Variants in KLF7 observed in about 807,000 individuals in gnomAD.
KLF7 encodes Krueppel-like factor 7.
A neutral mutation model predicts 27.3 loss-of-function variants in KLF7; 2 were observed. That is an observed-to-expected ratio of 0.07 (90% confidence interval 0.03 to 0.23). The LOEUF (loss-of-function observed/expected upper bound fraction) is 0.23. KLF7 is among the 10% of genes least tolerant of loss of function. KLF7 has a pLI of 1.00. For missense variants in KLF7, 221 were observed against 394.1 expected, an observed-to-expected ratio of 0.56 and a Z score of 3.72; for synonymous variants, 165 against 162.4, an observed-to-expected ratio of 1.02 and a Z score of -0.12.
rs771791669 is a variant in KLF7 at position 207,076,414 on chromosome 2, G to C, written c.*4799C>G. 3.9e-5 allele frequency: 6 copies of C among 152,010 alleles called. No homozygotes were observed. The highest frequency in any genetic ancestry group is 7.4e-5 in the Non-Finnish European group (5 of 68,022). 9.4% of individuals were successfully genotyped at this position (152,010 alleles called of 1,614,324 possible). A position where few individuals can be genotyped will look rare whatever the true frequency, so the allele number is the denominator to read the frequency against. ...TCTGTTTTTGACACCTGTTTCCCGAGGACTTTTATGTTAAATGCAAAACAC... is the reference window on the plus strand; with the variant it reads ...TCTGTTTTTGACACCTGTTTCCCGACGACTTTTATGTTAAATGCAAAACAC... On this transcript the variant is annotated 3_prime_UTR_variant, in exon 4 of 4. Coordinates refer to ENST00000309446, the MANE Select transcript of KLF7 (RefSeq NM_003709.4).
intron 2 of KLF7, among the ~76,000 whole-genome samples, chr2:207,116,290 T>G (rs947199688): frequency 6.6e-6 from 1 of 152,224 alleles, no homozygotes; most frequent in Non-Finnish European, 1.5e-5. Flanking sequence ...TAATTTCTAC[T>G]ACATTCAAGC....
At position 207,077,299 on chromosome 2, in the gene KLF7, T is replaced by C. The variant is rs1327739968; in HGVS notation, c.*3914A>G. The C allele has an allele frequency of 2.0e-5, 3 of 152,122 alleles. No individual in the cohort carries two copies. The highest frequency in any genetic ancestry group is 2.9e-5 in the Non-Finnish European group (2 of 68,024). The allele number at this position is 152,122 out of a possible 1,614,324, so 9.4% of individuals were successfully genotyped here. On this transcript the variant is annotated 3_prime_UTR_variant, in exon 4 of 4. Transcript: ENST00000309446. ...CCATTTCTTTCCCCTTTGATGCAAA[T>C]AGACATGGATAATCTGGAAAGCTTA...
chr2:207,108,899 C>A (rs2076954139), intron 2 of KLF7, among the ~76,000 whole-genome samples: 1 of 152,206 alleles, frequency 6.6e-6, no homozygotes, highest in Admixed American at 6.5e-5. Flanking sequence ...TTCAACCTCA[C>A]CTAGCAAAGC....
At chr2:207,115,577 G>A (rs58785926) in intron 2 of KLF7, among the ~76,000 whole-genome samples, 4,477 of 152,126 alleles carry the variant, frequency 0.029, 165 homozygotes, top group African/African-American at 0.08. Flanking sequence ...ATCTTGCCTC[G>A]ACCAACATTT....
At chr2:207,152,919 T>C (rs1431635838) in intron 1 of KLF7, among the ~76,000 whole-genome samples, 2 of 151,952 alleles carry the variant, frequency 1.3e-5, no homozygotes, top group Non-Finnish European at 2.9e-5. Flanking sequence ...AATTGAAGAG[T>C]GCACGATCTG....
intron 1 of KLF7, among the ~76,000 whole-genome samples, chr2:207,152,859 T>G (rs922458609): frequency 1.3e-5 from 2 of 152,138 alleles, no homozygotes; most frequent in African/African-American, 4.8e-5. Context: ...GCATGCTCAC[T>G]GGGCCAGAGA....
chr2:207,113,885 A>G (rs2077106829), intron 2 of KLF7, among the ~76,000 whole-genome samples: 1 of 152,156 alleles, frequency 6.6e-6, no homozygotes, highest in Non-Finnish European at 1.5e-5. Context: ...CCCCAGAGAA[A>G]TTGGAGGAAC....
intron 2 of KLF7, among the ~76,000 whole-genome samples, chr2:207,119,830 A>C (rs1033323805): frequency 6.6e-6 from 1 of 152,096 alleles, no homozygotes; most frequent in Non-Finnish European, 1.5e-5. Flanking sequence ...CAGCCTCCTG[A>C]GTAGCTGGGA....
At chr2:207,133,568 C>T (rs2077696370) in intron 1 of KLF7, among the ~76,000 whole-genome samples, 1 of 152,184 alleles carries the variant, frequency 6.6e-6, no homozygotes, top group Non-Finnish European at 1.5e-5. Context: ...GCTTTTTCAG[C>T]TTCCCATTAA....
intron 1 of KLF7, among the ~76,000 whole-genome samples, chr2:207,137,235 G>C (rs1032418659): frequency 6.6e-6 from 1 of 152,314 alleles, no homozygotes; most frequent in African/African-American, 2.4e-5. Flanking sequence ...TGAAGCACTT[G>C]AGGGTCACAG....
chr2:207,165,105 C>G (rs2078666952), intron 1 of KLF7, among the ~76,000 whole-genome samples: 1 of 149,680 alleles, frequency 6.7e-6, no homozygotes, highest in African/African-American at 2.5e-5. Flanking sequence ...TGGTCCCTGT[C>G]AGCAATCGCT....
At chr2:207,120,565 C>A (rs922076385) in intron 2 of KLF7, among the ~76,000 whole-genome samples, 1 of 151,996 alleles carries the variant, frequency 6.6e-6, no homozygotes, top group Non-Finnish European at 1.5e-5. Flanking sequence ...TTTTTCCTGT[C>A]CCAAAACACC....
intron 1 of KLF7, among the ~76,000 whole-genome samples, chr2:207,164,958 C>A (rs949544479): frequency 6.6e-6 from 1 of 152,046 alleles, no homozygotes; most frequent in African/African-American, 2.4e-5. Context: ...TATTGACACT[C>A]GCTAATTACT....
chr2:207,084,082 T>G (rs926713296), intron 3 of KLF7, among the ~76,000 whole-genome samples: 1 of 152,134 alleles, frequency 6.6e-6, no homozygotes, highest in African/African-American at 2.4e-5. Context: ...ATACTAAATT[T>G]GTGGCAAGTG....
chr2:207,155,052 G>A (rs2078344868), intron 1 of KLF7, among the ~76,000 whole-genome samples: 1 of 152,204 alleles, frequency 6.6e-6, no homozygotes, highest in Admixed American at 6.5e-5. Flanking sequence ...TAACAATTAA[G>A]AGTGCTGGGC....
intron 3 of KLF7, among the ~76,000 whole-genome samples, chr2:207,087,665 T>G (rs187034275): frequency 7.9e-5 from 12 of 152,258 alleles, no homozygotes; most frequent in Non-Finnish European, 1.6e-4. Context: ...AACACAGAAA[T>G]AGGATTAGAA....
the KLF7 span, among the ~76,000 whole-genome samples, chr2:207,173,337 C>T: frequency 6.6e-6 from 1 of 152,164 alleles, no homozygotes; most frequent in Admixed American, 6.5e-5. Context: ...GTTACAACCA[C>T]AGGAGCCTGG....
chr2:207,138,397 A>C (rs540684716), intron 1 of KLF7, among the ~76,000 whole-genome samples: 6 of 152,338 alleles, frequency 3.9e-5, no homozygotes, highest in African/African-American at 1.2e-4. Flanking sequence ...CCTTGATACA[A>C]ATCTTCTCAT....
At chr2:207,108,327 G>C (rs1029900773) in intron 2 of KLF7, among the ~76,000 whole-genome samples, 8 of 152,178 alleles carry the variant, frequency 5.3e-5, no homozygotes, top group African/African-American at 1.9e-4. Flanking sequence ...TATCAAATTG[G>C]GTTGGGGGCC....
Sources: gnomAD v4.1 joint callset for allele counts (sites outside exome capture counted in the v4.1 genomes callset) on GRCh38, gnomAD v4.1.1 for gene constraint, MANE v1.5 for transcripts, NCBI Gene and HGNC (gene_info 2026-07-23, HGNC 2026-07-21) for gene names.